The following PDGFD variants were observed in gnomAD, a reference collection of about 807,000 sequenced individuals.
PDGFD encodes platelet-derived growth factor D.
In PDGFD, 30 loss-of-function variants were observed where a neutral mutation model predicts 44.7. The ratio of observed to expected loss-of-function variants is 0.67; its 90% CI spans 0.50 to 0.91. The LOEUF (loss-of-function observed/expected upper bound fraction) is 0.91, where lower values mean the gene tolerates loss of function less well. PDGFD is among the 40% of genes least tolerant of loss of function. The pLI is 0.00. For missense variants in PDGFD, 445 were observed against 457.8 expected (o/e 0.97, Z 0.25); for synonymous variants, 173 against 168.4 (o/e 1.03, Z -0.21).
chr11:104,094,559 T>A (rs1861255863), intron 1 of PDGFD, among the ~76,000 whole-genome samples: 1 of 152,240 alleles, frequency 6.6e-6, no homozygotes, highest in South Asian at 2.1e-4. Context: ...AGTATTATTA[T>A]CTACCCAGCT....
intron 1 of PDGFD, among the ~76,000 whole-genome samples, chr11:104,055,786 A>G (rs142890947): frequency 6.6e-6 from 1 of 152,300 alleles, no homozygotes; most frequent in Non-Finnish European, 1.5e-5. Context: ...ATTACTACTG[A>G]AGTACAAGCA....
In PDGFD at chr11:103,998,998, T is replaced by TC. The variant is rs397736695; in HGVS notation, c.329+1052_329+1053insG. Among the ~76,000 whole-genome samples, 7 of 152,174 alleles carry TC rather than the reference T, an allele frequency of 4.6e-5. No homozygotes were observed. In the South Asian group the frequency reaches 6.2e-4, roughly 14 times the overall value. ...GCACAGAATATTAGTTCTTTTTTTT[T>TC]GAGATGGAAAAGACGCAAGATCAGC... On this transcript the variant is annotated intron_variant, in intron 2 of 6. Coordinates refer to ENST00000393158, the MANE Select transcript of PDGFD (RefSeq NM_025208.5).
chr11:104,108,124 G>A (rs1208836134), intron 1 of PDGFD, among the ~76,000 whole-genome samples: 3 of 152,088 alleles, frequency 2.0e-5, no homozygotes, highest in African/African-American at 7.2e-5. Flanking sequence ...ACAATGTCCA[G>A]GGCAGGTAAT....
chr11:104,154,199 T>C (rs1298930845), intron 1 of PDGFD, among the ~76,000 whole-genome samples: 1 of 152,168 alleles, frequency 6.6e-6, no homozygotes, highest in Non-Finnish European at 1.5e-5. Context: ...CATCCCCCAT[T>C]ACATTCTAAA....
chr11:104,100,438 A>C (rs920225359), intron 1 of PDGFD, among the ~76,000 whole-genome samples: 4 of 152,284 alleles, frequency 2.6e-5, no homozygotes, highest in South Asian at 2.1e-4. Context: ...TCTGAATAGA[A>C]CAATAACAGG....
Position 103,909,813 on chromosome 11 carries a change from G to C in PDGFD, c.994C>G (p.Gln332Glu). 6.2e-7 allele frequency: 1 copy of C among 1,614,128 alleles called. No homozygotes were observed. Among genetic ancestry groups the C allele is most frequent in the East Asian group, 2.2e-5 (1 of 44,884 alleles). The change falls in exon 7 of 7, where the codon CAG (glutamine) becomes GAG (glutamate). Residue 332 changes from glutamine (Q) to glutamate (E), a missense_variant. Coordinates refer to ENST00000393158, the MANE Select transcript of PDGFD (RefSeq NM_025208.5). Reference protein sequence around the residue: ...KTVKKYHEVLQFEPGHIKRRG... With the variant: ...KTVKKYHEVLEFEPGHIKRRG... ...CTCTTGATGTGGCCAGGCTCAAACT[G>C]TAATACCTAGGACAAGAAGCACATC...
intron 1 of PDGFD, among the ~76,000 whole-genome samples, chr11:104,084,658 A>C (rs1360675219): frequency 6.8e-6 from 1 of 146,914 alleles, no homozygotes; most frequent in Non-Finnish European, 1.5e-5. Context: ...CAAATTTTGT[A>C]ATTATATAAA....
chr11:104,002,247 G>C (rs1190636027), intron 1 of PDGFD, among the ~76,000 whole-genome samples: 1 of 152,178 alleles, frequency 6.6e-6, no homozygotes, highest in East Asian at 1.9e-4. Context: ...AATGGGTCTT[G>C]ATATGGTTTG....
At chr11:104,036,736 G>T in intron 1 of PDGFD, 3 of 1,021,874 alleles carry the variant, frequency 2.9e-6, no homozygotes, top group Non-Finnish European at 3.0e-6. Context: ...GTCCTGAGGA[G>T]CAGCGGCACC....
intron 1 of PDGFD, among the ~76,000 whole-genome samples, chr11:104,070,931 A>G (rs916645266): frequency 2.6e-5 from 4 of 152,164 alleles, no homozygotes; most frequent in African/African-American, 9.6e-5. Flanking sequence ...GCGGTGTAAA[A>G]AGGTAAATGC....
At chr11:104,160,661 T>C (rs1231922109) in intron 1 of PDGFD, among the ~76,000 whole-genome samples, 1 of 152,204 alleles carries the variant, frequency 6.6e-6, no homozygotes, top group East Asian at 1.9e-4. Context: ...CTGTAAATTA[T>C]TATAGTTTAA....
intron 1 of PDGFD, among the ~76,000 whole-genome samples, chr11:104,088,222 T>C (rs113575757): frequency 3.9e-5 from 6 of 152,246 alleles, no homozygotes; most frequent in Non-Finnish European, 8.8e-5. Flanking sequence ...TTGCTGAGTA[T>C]ATTCTTAGTT....
chr11:104,132,313 G>A (rs935352123), intron 1 of PDGFD, among the ~76,000 whole-genome samples: 1 of 152,032 alleles, frequency 6.6e-6, no homozygotes, highest in African/African-American at 2.4e-5. Flanking sequence ...GCACAGCCTT[G>A]ACATGTGCAT....
intron 1 of PDGFD, among the ~76,000 whole-genome samples, chr11:104,058,583 A>C (rs1478817520): frequency 1.3e-5 from 2 of 152,228 alleles, no homozygotes; most frequent in Admixed American, 1.3e-4. Context: ...ACTTTGGAAA[A>C]TAGTTTGGAA....
At chr11:103,989,178 G>C (rs748912937) in intron 3 of PDGFD, among the ~76,000 whole-genome samples, 1 of 151,986 alleles carries the variant, frequency 6.6e-6, no homozygotes, top group Non-Finnish European at 1.5e-5. Flanking sequence ...ACTGTATTTA[G>C]GTTTTAGGAA....
intron 5 of PDGFD, among the ~76,000 whole-genome samples, chr11:103,938,154 G>GTT (rs1415004432): frequency 6.6e-6 from 1 of 151,838 alleles, no homozygotes; most frequent in Non-Finnish European, 1.5e-5. Flanking sequence ...GGTTGAACTA[G>GTT]TTCACAGTCC....
Position 103,945,891 on chromosome 11 carries a change from C to T in PDGFD, c.573+1771G>A, listed in dbSNP as rs568713474. ...TATGTATGAGCTTTACTGCTGTTTTCAAGTTTTGATTTAGGGCAGTTGACA... is the reference window on the plus strand; with the variant it reads ...TATGTATGAGCTTTACTGCTGTTTTTAAGTTTTGATTTAGGGCAGTTGACA... On this transcript the variant is annotated intron_variant, in intron 4 of 6. Transcript: ENST00000393158. 2.6e-5 allele frequency: 4 copies of T among 152,240 alleles called. No homozygotes were observed. In the East Asian group the frequency reaches 7.7e-4, roughly 29 times the overall value. The allele number at this position is 152,240 out of a possible 1,614,324, so 9.4% of individuals were successfully genotyped here.
At chr11:104,077,674 C>A (rs1860979859) in intron 1 of PDGFD, among the ~76,000 whole-genome samples, 1 of 152,034 alleles carries the variant, frequency 6.6e-6, no homozygotes, top group African/African-American at 2.4e-5. Flanking sequence ...TTTTACTTCT[C>A]TGTAACTGAT....
intron 1 of PDGFD, among the ~76,000 whole-genome samples, chr11:104,006,607 A>G (rs184262723): frequency 3.9e-5 from 6 of 152,282 alleles, no homozygotes; most frequent in East Asian, 3.9e-4. Context: ...TGTACCCATA[A>G]TAACTCCAGA....
Sources: gnomAD v4.1 joint callset for allele counts (sites outside exome capture counted in the v4.1 genomes callset) on GRCh38, gnomAD v4.1.1 for gene constraint, MANE v1.5 for transcripts, NCBI Gene and HGNC (gene_info 2026-07-23, HGNC 2026-07-21) for gene names.